MFSD12: variants seen among roughly 807,000 people sequenced by gnomAD.
The protein encoded by MFSD12 is major facilitator superfamily domain-containing protein 12.
Under a neutral mutation model 51.2 loss-of-function variants are expected in MFSD12, and 67 were observed. The observed-to-expected ratio is 1.31, with a 90% CI of 1.08 to 1.60. The LOEUF (loss-of-function observed/expected upper bound fraction) is 1.60. Among genes scored for constraint, MFSD12 ranks in the 40% most tolerant of loss-of-function variants. MFSD12 has a pLI of 0.00. For synonymous variants in MFSD12, 441 were observed against 316.7 expected, an observed-to-expected ratio of 1.39 and a Z score of -4.17; for missense variants, 921 against 673.0, an observed-to-expected ratio of 1.37 and a Z score of -4.08.
chr19:3,556,931 G>A (rs1013728948), intron 1 of MFSD12, among the ~76,000 whole-genome samples, 175 bp downstream of exon 1: 4 of 152,212 alleles, frequency 2.6e-5, no homozygotes, highest in Admixed American at 6.5e-5. Flanking sequence ...ACATAGGGGA[G>A]GTTAAGGCCG....
chr19:3,555,950 C>T (rs2031703740), intron 1 of MFSD12, among the ~76,000 whole-genome samples: 1 of 152,212 alleles, frequency 6.6e-6, no homozygotes, highest in Non-Finnish European at 1.5e-5. Context: ...TCGATGGGCA[C>T]TGGGGCAGGG....
Position 3,544,202 on chromosome 19 carries a change from C to T in MFSD12, c.*508G>A, listed in dbSNP as rs552831807. ...CGCAGGCAGACAGGAGCCAGGCTGC[C>T]GTCATCTCTTTATTTGCTGCCAGCA... is the stretch of plus-strand genomic sequence containing the variant. On this transcript the variant is annotated 3_prime_UTR_variant, in exon 10 of 10. Coordinates refer to ENST00000355415, the MANE Select transcript of MFSD12 (RefSeq NM_174983.5). The T allele has an allele frequency of 1.4e-3, 1,909 of 1,359,246 alleles. 14 individuals are homozygous for T. The African/African-American group carries it at 0.021, about 15-fold the overall frequency. The allele number at this position is 1,359,246 out of a possible 1,614,324, so 84.2% of individuals were successfully genotyped here.
chr19:3,539,533 A>C, downstream of MFSD12: 1 of 479,350 alleles, frequency 2.1e-6, no homozygotes, highest in Non-Finnish European at 3.8e-6. Context: ...GGCCACAGAA[A>C]TGTTCGCCCT....
Position 3,544,944 on chromosome 19 carries a change from G to A in MFSD12, c.1290-5C>T, listed in dbSNP as rs764649999. The A allele has an allele frequency of 1.1e-5, 18 of 1,602,564 alleles. No individual in the cohort carries two copies. The highest frequency in any genetic ancestry group is 1.1e-4 in the African/African-American group (8 of 74,692). The stretch of plus-strand genomic sequence containing the variant: ...GCCCTGCAGCAGAGCTCTGAGCTGT[G>A]GGAGGAGGCGGGGGATGAGTAGGCA... On this transcript the variant is annotated splice_region_variant and splice_polypyrimidine_tract_variant and intron_variant, in intron 8 of 9. Coordinates refer to ENST00000355415, the MANE Select transcript of MFSD12 (RefSeq NM_174983.5).
At chr19:3,548,722 CTCTT>C (rs1370071896) in intron 2 of MFSD12, among the ~76,000 whole-genome samples, 1 of 152,222 alleles carries the variant, frequency 6.6e-6, no homozygotes, top group Non-Finnish European at 1.5e-5. Flanking sequence ...GAATCAGTCT[CTCTT>C]TCTGAAAGCG....
At position 3,551,413 on chromosome 19, in the gene MFSD12, C is replaced by T. The variant is rs529436095; in HGVS notation, c.299-219G>A. ...TCTGACACCAGGTGCCTGGGCTCAG[C>T]CTGCAAGTCAGAAGAAGCCAGGCGC... On this transcript the variant is annotated intron_variant, in intron 1 of 9. Transcript: ENST00000355415. The surrounding 1 kb of genome is among the most constrained non-coding windows in gnomAD (Gnocchi z 4.6). Among the ~76,000 whole-genome samples the T allele has an allele frequency of 6.6e-6, 1 of 152,318 alleles. No individual in the cohort carries two copies. Among genetic ancestry groups the T allele is most frequent in the East Asian group, 1.9e-4 (1 of 5,178 alleles).
chr19:3,546,160 T>C lies in MFSD12; in HGVS notation c.1203A>G (p.Gly401=). Residue 401 remains glycine (G), a synonymous_variant, in exon 8 of 10, where the codon GGA becomes GGG. Transcript: ENST00000355415. ...ADLIGPHTNS[G]AFVYGSMSFL... Reference sequence around the variant, plus strand: ...AGCTCATGGAGCCGTACACGAACGCTCCGCTGTTCTGTGGAGACACAGGCG... The same window carrying C: ...AGCTCATGGAGCCGTACACGAACGCCCCGCTGTTCTGTGGAGACACAGGCG... The C allele has an allele frequency of 6.2e-7, 1 of 1,612,888 alleles. No homozygotes were observed. Among genetic ancestry groups the C allele is most frequent in the South Asian group, 1.1e-5 (1 of 91,070 alleles).
chr19:3,544,328 G>C lies in MFSD12; in HGVS notation c.*382C>G, dbSNP rs990554229. ...GTCTCCTCCAGGCTCCAGCCGTCCT[G>C]AGGGGGCCCTGGCAGTGTCTGGAGA... On this transcript the variant is annotated 3_prime_UTR_variant, in exon 10 of 10. Transcript: ENST00000355415. 3 of 1,272,792 alleles carry C rather than the reference G, an allele frequency of 2.4e-6. No individual in the cohort carries two copies. The South Asian group carries it at 8.2e-5, about 35-fold the overall frequency. 78.8% of individuals were successfully genotyped at this position (1,272,792 alleles called of 1,614,324 possible). A position where few individuals can be genotyped will look rare whatever the true frequency, so the allele number is the denominator to read the frequency against.
downstream of MFSD12, chr19:3,544,125 C>G (rs2030724471): frequency 7.0e-7 from 1 of 1,420,340 alleles, no homozygotes; most frequent in Non-Finnish European, 9.3e-7. Context: ...GCTGGCCGCC[C>G]ACAACCAGGG....
downstream of MFSD12, chr19:3,541,948 C>T (rs906646038): frequency 7.4e-6 from 3 of 404,226 alleles, no homozygotes; most frequent in African/African-American, 4.4e-5. Context: ...TAGCTGGGAC[C>T]ACAGGTGTCC....
intron 1 of MFSD12, among the ~76,000 whole-genome samples, chr19:3,553,504 C>G (rs551437816): frequency 0.019 from 2,806 of 149,700 alleles, 76 homozygotes; most frequent in African/African-American, 0.064. Context: ...CGCGGTGGCT[C>G]ACGCCTGTAA....
intron 1 of MFSD12, among the ~76,000 whole-genome samples, chr19:3,553,480 A>AC (rs931275605): frequency 1.3e-5 from 2 of 150,574 alleles, no homozygotes; most frequent in Non-Finnish European, 3.0e-5. Context: ...CAAGAAAAAA[A>AC]AAAAAAGGCC....
downstream of MFSD12, chr19:3,539,199 G>A (rs1456265726): frequency 1.3e-6 from 2 of 1,550,230 alleles, no homozygotes; most frequent in African/African-American, 1.4e-5. Flanking sequence ...CAGGCAAGAG[G>A]CTGCACGGCC....
At chr19:3,543,970 G>C, downstream of MFSD12, 1 of 1,549,426 alleles carries the variant, frequency 6.5e-7, no homozygotes, top group Non-Finnish European at 8.7e-7. Flanking sequence ...CCCTCCACCT[G>C]CCAGCGGTCC....
chr19:3,544,256 G>A lies in MFSD12; in HGVS notation c.*454C>T. On this transcript the variant is annotated 3_prime_UTR_variant, in exon 10 of 10. Coordinates refer to ENST00000355415, the MANE Select transcript of MFSD12 (RefSeq NM_174983.5). ...TCCACCAAGCCTGCCGGGCAGCCCT[G>A]CTGCCCACCACGGTGGGGTCCAGGC... 7.6e-7 allele frequency: 1 copy of A among 1,316,532 alleles called. No homozygotes were observed. Among genetic ancestry groups the A allele is most frequent in the Non-Finnish European group, 9.7e-7 (1 of 1,035,096 alleles). 81.6% of individuals were successfully genotyped at this position (1,316,532 alleles called of 1,614,324 possible). A position where few individuals can be genotyped will look rare whatever the true frequency, so the allele number is the denominator to read the frequency against.
At chr19:3,545,128 A>C (rs533621914) in intron 8 of MFSD12, among the ~76,000 whole-genome samples, 189 bp from the exon 9 acceptor site, 2 of 151,990 alleles carry the variant, frequency 1.3e-5, no homozygotes, top group Non-Finnish European at 2.9e-5. Context: ...CCCTGCTTCC[A>C]GCATCCATGC....
intron 6 of MFSD12, 93 bp downstream of exon 6, chr19:3,547,179 G>C (rs1187553948): frequency 5.3e-6 from 6 of 1,138,984 alleles, no homozygotes; most frequent in Non-Finnish European, 8.0e-6. Flanking sequence ...GGAGGCCTGA[G>C]AGCATCCGAG....
chr19:3,542,418 A>C, downstream of MFSD12: 1 of 985,410 alleles, frequency 1.0e-6, no homozygotes, highest in Non-Finnish European at 1.2e-6. Context: ...TTCTGGGATG[A>C]CTTCCTTGGG....
chr19:3,540,463 G>A (rs369840938), downstream of MFSD12, among the ~76,000 whole-genome samples: 221 of 150,044 alleles, frequency 1.5e-3, 1 homozygote, highest in South Asian at 5.0e-3. Flanking sequence ...TCACCATGTT[G>A]GCCAGGATGG....
Sources: allele counts gnomAD v4.1 joint callset (sites outside exome capture counted in the v4.1 genomes callset), GRCh38; gene constraint gnomAD v4.1.1; non-coding constraint Gnocchi (gnomAD v3.1); transcripts MANE v1.5; gene names NCBI Gene and HGNC (gene_info 2026-07-23, HGNC 2026-07-21).